ANKMY1: variants seen among roughly 807,000 people sequenced by gnomAD.
ANKMY1 encodes the protein ankyrin repeat and MYND domain-containing protein 1.
ANKMY1 carries 98 observed loss-of-function variants against 102.0 expected under a neutral mutation model. The ratio of observed to expected loss-of-function variants is 0.96; its 90% CI spans 0.82 to 1.14. The LOEUF (loss-of-function observed/expected upper bound fraction) is 1.14. Ranked by LOEUF, ANKMY1 falls within the 50% of genes most tolerant of loss-of-function variation. ANKMY1 has a pLI of 0.00. For missense variants in ANKMY1, 1,330 were observed against 1,347.6 expected (o/e 0.99, Z 0.20); for synonymous variants, 582 against 559.9 (o/e 1.04, Z -0.56).
chr2:240,502,544 G>A (rs920451891), intron 13 of ANKMY1, among the ~76,000 whole-genome samples: 10 of 151,716 alleles, frequency 6.6e-5, no homozygotes, highest in East Asian at 5.8e-4. Flanking sequence ...AGGCTTTCTC[G>A]CCCCAGGTCC....
rs2077760751 is a variant in ANKMY1 at position 240,499,380 on chromosome 2, G to A, written c.2806+578C>T. Among the ~76,000 whole-genome samples, 2 of 140,302 alleles carry A rather than the reference G, an allele frequency of 1.4e-5. No homozygotes were observed. Among genetic ancestry groups the A allele is most frequent in the Non-Finnish European group, 3.1e-5 (2 of 64,106 alleles). 92.0% of individuals were successfully genotyped at this position (140,302 alleles called of 152,430 possible). ...GGTGAGTAGGTGGGTGGGGATGTGG[G>A]GGTAGGGAGTGACTATGTGGGGGTG... On this transcript the variant is annotated intron_variant, in intron 15 of 17. Coordinates refer to ENST00000401804, the MANE Select transcript of ANKMY1 (RefSeq NM_001282771.3). The surrounding 1 kb of genome is among the most constrained non-coding windows in gnomAD (Gnocchi z 4.2).
At chr2:240,503,492 C>CGGGGCCCAGGGAGTCAGG (rs2078562447) in intron 13 of ANKMY1, among the ~76,000 whole-genome samples, 1 of 152,154 alleles carries the variant, frequency 6.6e-6, no homozygotes, top group African/African-American at 2.4e-5. Flanking sequence ...ATCCAAATGG[C>CGGGGCCCAGGGAGTCAGG]GGGGCCCAGG....
At position 240,529,352 on chromosome 2, in the gene ANKMY1, A is replaced by G. The variant is rs1393136122; in HGVS notation, c.638T>C (p.Phe213Ser). The change falls in exon 5 of 18, where the codon TTC becomes TCC. Residue 213 changes from phenylalanine (F) to serine (S), a missense_variant. Physicochemically the swap from Phe to Ser is radical, Grantham distance 155. Coordinates refer to ENST00000401804, the MANE Select transcript of ANKMY1 (RefSeq NM_001282771.3). This position sits in a 1 kb window ranked among gnomAD's most constrained non-coding sequence, Gnocchi z 4.2. ...GATCCTGGCAGGGCTGTGGGTGATG[A>G]AGCTGGAGAACTCAGGGTATCTGAG... ...SLLRYPEFSS[F>S]ITHSPARISL... The G allele has an allele frequency of 1.2e-6, 2 of 1,614,128 alleles. No homozygotes were observed. The highest frequency in any genetic ancestry group is 2.2e-5 in the South Asian group (2 of 91,078).
chr2:240,510,358 C>A (rs1368498463), intron 11 of ANKMY1, among the ~76,000 whole-genome samples: 2 of 151,352 alleles, frequency 1.3e-5, no homozygotes, highest in African/African-American at 4.9e-5. Context: ...CTCCCTGACT[C>A]CTCCCTGGGA....
At chr2:240,532,139 T>C (rs1203209719) in intron 4 of ANKMY1, 1 of 465,844 alleles carries the variant, frequency 2.1e-6, no homozygotes, top group Non-Finnish European at 4.4e-6. Flanking sequence ...ATTGAAACTG[T>C]AGAAAACCAA....
downstream of ANKMY1, among the ~76,000 whole-genome samples, chr2:240,474,691 C>T (rs143858168): frequency 4.4e-3 from 674 of 152,230 alleles, 4 homozygotes; most frequent in Non-Finnish European, 5.4e-3. Flanking sequence ...TCTGTTCCTG[C>T]GTTAGTTTGC....
At chr2:240,495,989 C>T (rs1376512481) in intron 15 of ANKMY1, among the ~76,000 whole-genome samples, 1 of 152,196 alleles carries the variant, frequency 6.6e-6, no homozygotes, top group Non-Finnish European at 1.5e-5. Context: ...ACTGTCTGTA[C>T]ACTGCTCTGG....
chr2:240,525,938 C>T (rs144335773), intron 6 of ANKMY1, 89 bp from the exon 7 acceptor site: 699 of 1,469,682 alleles, frequency 4.8e-4, no homozygotes, highest in Non-Finnish European at 4.6e-4. Flanking sequence ...CCTCATGAGG[C>T]CACCCTATGG....
At chr2:240,539,910 C>T (rs553520422) in intron 4 of ANKMY1, among the ~76,000 whole-genome samples, 2 of 152,306 alleles carry the variant, frequency 1.3e-5, no homozygotes, top group Non-Finnish European at 2.9e-5. Flanking sequence ...TGCTATACCC[C>T]CTCCCTTTTG....
intron 12 of ANKMY1, 120 bp downstream of exon 12, chr2:240,509,228 G>A (rs1027562291): frequency 9.8e-6 from 7 of 710,906 alleles, no homozygotes; most frequent in African/African-American, 9.3e-5. Context: ...TGGATGAATG[G>A]ATGGATGGAT....
In ANKMY1 at chr2:240,479,575, G is replaced by A; in HGVS notation, c.*34C>T. The A allele has an allele frequency of 1.9e-6, 3 of 1,612,762 alleles. No homozygotes were observed. The highest frequency in any genetic ancestry group is 2.5e-6 in the Non-Finnish European group (3 of 1,179,046). ...AGGTAAGAAACCCACACAGTCCTGG[G>A]TCCTCCCCAAGCCTCGGACGTGCAG... On this transcript the variant is annotated 3_prime_UTR_variant, in exon 18 of 18. Coordinates refer to ENST00000401804, the MANE Select transcript of ANKMY1 (RefSeq NM_001282771.3).
chr2:240,508,916 G>A (rs1414525672), intron 12 of ANKMY1, among the ~76,000 whole-genome samples: 2 of 151,236 alleles, frequency 1.3e-5, no homozygotes, highest in Admixed American at 1.3e-4. Context: ...GTGAATGAAT[G>A]GATGGGTGAA....
chr2:240,549,944 G>A (rs1201583734), intron 4 of ANKMY1, among the ~76,000 whole-genome samples: 1 of 151,868 alleles, frequency 6.6e-6, no homozygotes, highest in African/African-American at 2.4e-5. Flanking sequence ...CAACCATTGT[G>A]GAAGTCAGTG....
At chr2:240,504,491 A>T (rs2078726693) in intron 13 of ANKMY1, among the ~76,000 whole-genome samples, 1 of 152,186 alleles carries the variant, frequency 6.6e-6, no homozygotes, top group South Asian at 2.1e-4. Flanking sequence ...AAAATTAAAA[A>T]CTTTTGTATA....
Position 240,529,386 on chromosome 2 carries a change from A to G in ANKMY1, c.604T>C (p.Phe202Leu). ...AACTCAGGGTATCTGAGGAGGGAGAAGCCACTGGGGATCTGGGTGCACAGC... is the reference window on the plus strand; with the variant it reads ...AACTCAGGGTATCTGAGGAGGGAGAGGCCACTGGGGATCTGGGTGCACAGC... Reference protein sequence around the residue: ...IKLCTQIPSGFSLLRYPEFSS... With the variant: ...IKLCTQIPSGLSLLRYPEFSS... Residue 202 changes from phenylalanine (F) to leucine (L), a missense_variant, in exon 5 of 18, where the codon TTC becomes CTC. Transcript: ENST00000401804. The surrounding 1 kb of genome is among the most constrained non-coding windows in gnomAD (Gnocchi z 4.2). The G allele has an allele frequency of 6.2e-7, 1 of 1,614,120 alleles. No individual in the cohort carries two copies. Among genetic ancestry groups the G allele is most frequent in the South Asian group, 1.1e-5 (1 of 91,080 alleles).
At chr2:240,492,500 C>A in intron 15 of ANKMY1, among the ~76,000 whole-genome samples, 1 of 152,118 alleles carries the variant, frequency 6.6e-6, no homozygotes, top group East Asian at 1.9e-4. Context: ...TCTAGTCTAT[C>A]GTTGATGCTT....
the ANKMY1 span, among the ~76,000 whole-genome samples, chr2:240,469,478 A>G: frequency 6.6e-6 from 1 of 152,058 alleles, no homozygotes; most frequent in Non-Finnish European, 1.5e-5. Context: ...AGACAAACTG[A>G]CCCACCCACA....
At chr2:240,522,128 G>A (rs1360439066) in intron 8 of ANKMY1, 2 of 147,996 alleles carry the variant, frequency 1.4e-5, no homozygotes, top group Non-Finnish European at 3.0e-5. Flanking sequence ...CCATTTTACA[G>A]AACGCTGATT....
In ANKMY1 at chr2:240,529,512, G is replaced by A. The variant is rs1401720471; in HGVS notation, c.481-3C>T. The A allele has an allele frequency of 2.5e-6, 4 of 1,607,202 alleles. No individual in the cohort carries two copies. Among genetic ancestry groups the A allele is most frequent in the Non-Finnish European group, 3.4e-6 (4 of 1,176,262 alleles). On this transcript the variant is annotated splice_region_variant and splice_polypyrimidine_tract_variant and intron_variant, in intron 4 of 17. Coordinates refer to ENST00000401804, the MANE Select transcript of ANKMY1 (RefSeq NM_001282771.3). The surrounding 1 kb of genome is among the most constrained non-coding windows in gnomAD (Gnocchi z 4.2). ...CGCTGGTCCGCTTTGTATAGCCCCT[G>A]CCAAGGAAGCGCAATAGACCGAGGA... is the stretch of plus-strand genomic sequence containing the variant.
Sources: allele counts gnomAD v4.1 joint callset (sites outside exome capture counted in the v4.1 genomes callset), GRCh38; gene constraint gnomAD v4.1.1; non-coding constraint Gnocchi (gnomAD v3.1); transcripts MANE v1.5; gene names NCBI Gene and HGNC (gene_info 2026-07-23, HGNC 2026-07-21).